FHOD3: variants seen among roughly 807,000 people sequenced by gnomAD.
FHOD3 encodes FH1/FH2 domain-containing protein 3.
A neutral mutation model predicts 173.0 loss-of-function variants in FHOD3; 90 were observed. That is an observed-to-expected ratio of 0.52 (90% CI 0.44 to 0.62). The LOEUF (loss-of-function observed/expected upper bound fraction) is 0.62, where lower values mean the gene tolerates loss of function less well. Ranked by LOEUF, FHOD3 falls within the 20% of genes least tolerant of loss-of-function variation. The pLI is 0.00. For synonymous variants in FHOD3, 828 were observed against 823.0 expected (o/e 1.01, Z -0.10); for missense variants, 1,945 against 2,034.7 (o/e 0.96, Z 0.85).
At chr18:36,480,039 T>C (rs1054237653) in intron 3 of FHOD3, among the ~76,000 whole-genome samples, 64 of 152,174 alleles carry the variant, frequency 4.2e-4, no homozygotes, top group Admixed American at 3.6e-3. Flanking sequence ...ATTTTGTAAA[T>C]TGTAAAGAGA....
At chr18:36,658,017 T>C (rs2054541955) in intron 13 of FHOD3, 58 bp from the exon 14 acceptor site, 2 of 1,271,928 alleles carry the variant, frequency 1.6e-6, no homozygotes, top group African/African-American at 3.0e-5. Context: ...TCTTATTTAC[T>C]GACTTGTACT....
intron 24 of FHOD3, 107 bp from the exon 25 acceptor site, chr18:36,755,012 A>AT (rs1568734951): frequency 4.3e-5 from 10 of 231,262 alleles, no homozygotes; most frequent in South Asian, 2.4e-4. Context: ...TATTATTATT[A>AT]TTATTTATTT....
chr18:36,663,428 C>T (rs1390605239), intron 14 of FHOD3, among the ~76,000 whole-genome samples: 1 of 152,218 alleles, frequency 6.6e-6, no homozygotes, highest in East Asian at 1.9e-4. Flanking sequence ...TCCTTCCTCC[C>T]AGTTTTTGGC....
chr18:36,666,560 T>C (rs761137925), intron 14 of FHOD3, among the ~76,000 whole-genome samples: 1 of 152,226 alleles, frequency 6.6e-6, no homozygotes, highest in South Asian at 2.1e-4. Context: ...ATTTTATTAT[T>C]ATTTTTGACC....
At chr18:36,567,538 C>T (rs2058308262) in intron 5 of FHOD3, among the ~76,000 whole-genome samples, 1 of 152,200 alleles carries the variant, frequency 6.6e-6, no homozygotes, top group Non-Finnish European at 1.5e-5. Context: ...ATAAAGACAA[C>T]TATTCAATTG....
intron 11 of FHOD3, among the ~76,000 whole-genome samples, chr18:36,652,178 A>G (rs1039646311): frequency 3.9e-5 from 6 of 152,250 alleles, no homozygotes; most frequent in African/African-American, 1.2e-4. Flanking sequence ...TGACCAAGAC[A>G]GAGATGAAGT....
At chr18:36,691,171 T>C (rs1380720846) in intron 16 of FHOD3, among the ~76,000 whole-genome samples, 1 of 151,854 alleles carries the variant, frequency 6.6e-6, no homozygotes, top group African/African-American at 2.4e-5. Context: ...CAGAGAGGCA[T>C]GCAGAAGGCC....
At chr18:36,585,914 A>T (rs2059010978) in intron 6 of FHOD3, among the ~76,000 whole-genome samples, 1 of 152,062 alleles carries the variant, frequency 6.6e-6, no homozygotes, top group African/African-American at 2.4e-5. Flanking sequence ...TTTCTAGGAG[A>T]GTTGGATGAG....
intron 5 of FHOD3, among the ~76,000 whole-genome samples, chr18:36,534,018 G>A (rs556469900): frequency 6.6e-6 from 1 of 152,200 alleles, no homozygotes; most frequent in African/African-American, 2.4e-5. Context: ...GAAGCTCACC[G>A]CCCTTAGAGT....
chr18:36,448,436 C>T (rs1017123428), intron 3 of FHOD3, among the ~76,000 whole-genome samples: 1 of 152,124 alleles, frequency 6.6e-6, no homozygotes, highest in East Asian at 1.9e-4. Context: ...TCTGCAGGCC[C>T]CCACCAGCCC....
intron 5 of FHOD3, among the ~76,000 whole-genome samples, chr18:36,533,894 G>A (rs1485361229): frequency 2.0e-5 from 3 of 152,204 alleles, no homozygotes; most frequent in African/African-American, 7.2e-5. Flanking sequence ...CCCCATTAGA[G>A]TTAAGAATCA....
chr18:36,450,778 G>A (rs116512389), intron 3 of FHOD3, among the ~76,000 whole-genome samples: 3,309 of 152,252 alleles, frequency 0.022, 118 homozygotes, highest in African/African-American at 0.075. Context: ...GGGCAACAGA[G>A]CAGGACCCTG....
intron 3 of FHOD3, among the ~76,000 whole-genome samples, chr18:36,500,895 G>A (rs1329446572): frequency 6.6e-6 from 1 of 152,192 alleles, no homozygotes; most frequent in African/African-American, 2.4e-5. Flanking sequence ...TGAGCCACCT[G>A]GATCAGGACC....
chr18:36,683,977 G>A (rs973189479), intron 15 of FHOD3, among the ~76,000 whole-genome samples: 1 of 152,160 alleles, frequency 6.6e-6, no homozygotes. Flanking sequence ...GAAACCCAAG[G>A]AGCCAGAAAG....
intron 21 of FHOD3, 24 bp downstream of exon 21, chr18:36,740,862 G>A (rs200708929): frequency 8.1e-5 from 129 of 1,594,102 alleles, no homozygotes; most frequent in Middle Eastern, 1.7e-4. Context: ...AAGAGAGGCC[G>A]CTGATCCCAC....
chr18:36,401,793 C>G (rs764514323), intron 3 of FHOD3, among the ~76,000 whole-genome samples: 1 of 152,166 alleles, frequency 6.6e-6, no homozygotes, highest in East Asian at 1.9e-4. Context: ...ATCCCTCACA[C>G]GGTATGTAGC....
chr18:36,773,966 G>T (rs2043512607), intron 28 of FHOD3, among the ~76,000 whole-genome samples: 2 of 152,238 alleles, frequency 1.3e-5, no homozygotes, highest in African/African-American at 4.8e-5. Flanking sequence ...CTGGGAAGGG[G>T]AAAGGCAGTT....
At chr18:36,523,225 G>A (rs2056359008) in intron 5 of FHOD3, among the ~76,000 whole-genome samples, 1 of 152,182 alleles carries the variant, frequency 6.6e-6, no homozygotes, top group Non-Finnish European at 1.5e-5. Context: ...GCTTGAGTCT[G>A]CAAGGCTTAA....
At chr18:36,339,092 A>G (rs747195423) in intron 1 of FHOD3, among the ~76,000 whole-genome samples, 101 of 152,212 alleles carry the variant, frequency 6.6e-4, no homozygotes, top group Admixed American at 4.6e-3. Context: ...TTCCTGCATC[A>G]GATCACCTGT....
Sources: gnomAD v4.1 joint callset for allele counts (sites outside exome capture counted in the v4.1 genomes callset) on GRCh38, gnomAD v4.1.1 for gene constraint, MANE v1.5 for transcripts, NCBI Gene and HGNC (gene_info 2026-07-23, HGNC 2026-07-21) for gene names.